PCDHA1: variants seen among roughly 807,000 people sequenced by gnomAD.
PCDHA1 encodes protocadherin alpha 1, also known as protocadherin alpha-1.
Under a neutral mutation model 61.3 loss-of-function variants are expected in PCDHA1, and 42 were observed. The ratio of observed to expected loss-of-function variants is 0.69; its 90% CI spans 0.54 to 0.89. PCDHA1 has a LOEUF of 0.89. PCDHA1 is among the 40% of genes least tolerant of loss of function. The pLI is 0.00. For missense variants in PCDHA1, 1,256 were observed against 1,235.3 expected, an observed-to-expected ratio of 1.02 and a Z score of -0.25; for synonymous variants, 610 against 553.8, an observed-to-expected ratio of 1.10 and a Z score of -1.43.
chr5:141,010,373 G>A lies in PCDHA1; in HGVS notation c.*436G>A, dbSNP rs1554262916. 6.8e-7 allele frequency: 1 copy of A among 1,463,988 alleles called. No homozygotes were observed. Among genetic ancestry groups the A allele is most frequent in the Admixed American group, 2.4e-5 (1 of 41,618 alleles). The allele number at this position is 1,463,988 out of a possible 1,614,324, so 90.7% of individuals were successfully genotyped here. ...GTGTGGCTACCGCGGGTATGCGAGT[G>A]CCAGATATTGGCTGAGACGAGCCAG... On this transcript the variant is annotated 3_prime_UTR_variant, in exon 4 of 4. Coordinates refer to ENST00000504120, the MANE Select transcript of PCDHA1 (RefSeq NM_018900.4).
chr5:140,841,522 G>C (rs2150317350), intron 1 of PCDHA1: 13 of 1,613,482 alleles, frequency 8.1e-6, no homozygotes, highest in Non-Finnish European at 1.1e-5. Context: ...TCCGGGTGGC[G>C]TCCAAAAGAC....
In PCDHA1 at chr5:140,797,044, G is replaced by A. The variant is rs145817011; in HGVS notation, c.2394+8360G>A. 4,401 of 1,613,772 alleles carry A rather than the reference G, an allele frequency of 2.7e-3. 15 individuals are homozygous for A. Among genetic ancestry groups the A allele is most frequent in the Non-Finnish European group, 3.5e-3 (4,107 of 1,179,970 alleles). On this transcript the variant is annotated intron_variant, in intron 1 of 3. Transcript: ENST00000504120. ...CGCCGCGGGCTCAGAGGCTACGCTGGTGGATGTCAACGTGTACCTGATCAT... is the reference window on the plus strand; with the variant it reads ...CGCCGCGGGCTCAGAGGCTACGCTGATGGATGTCAACGTGTACCTGATCAT...
At chr5:140,872,114 AG>A (rs1261193633) in intron 1 of PCDHA1, among the ~76,000 whole-genome samples, 1 of 151,936 alleles carries the variant, frequency 6.6e-6, no homozygotes, top group African/African-American at 2.4e-5. Context: ...TCCTAACTTC[AG>A]GCTTGTATCA....
intron 1 of PCDHA1, chr5:140,801,494 C>G (rs1554121517): frequency 1.2e-6 from 2 of 1,614,120 alleles, no homozygotes; most frequent in Non-Finnish European, 1.7e-6. Flanking sequence ...GCGGGCGGAG[C>G]GCGGAGTGCA....
In PCDHA1 at chr5:140,801,320, T is replaced by C. The variant is rs200755369; in HGVS notation, c.2394+12636T>C. 2.2e-5 allele frequency: 36 copies of C among 1,613,216 alleles called. 1 individual carries two copies. In the Admixed American group the frequency reaches 3.7e-4, roughly 16 times the overall value. On this transcript the variant is annotated intron_variant, in intron 1 of 3. Coordinates refer to ENST00000504120, the MANE Select transcript of PCDHA1 (RefSeq NM_018900.4). ...ACTCCGTCTCTGAGGAGGCCAAGCA[T>C]GGCACCTTCGTGGGCCGCATCGCGC...
Position 140,802,368 on chromosome 5 carries a change from C to T in PCDHA1, c.2394+13684C>T, listed in dbSNP as rs781811725. 3 of 1,614,230 alleles carry T rather than the reference C, an allele frequency of 1.9e-6. No individual in the cohort carries two copies. The South Asian group carries it at 3.3e-5, about 18-fold the overall frequency. The stretch of plus-strand genomic sequence containing the variant: ...TGGACAGGTCACCTGCTCGCTGACG[C>T]CCCACGTCCCCTTCAAGCTGGTGTC... On this transcript the variant is annotated intron_variant, in intron 1 of 3. Transcript: ENST00000504120.
chr5:140,930,092 A>G (rs1554207604), intron 1 of PCDHA1: 1 of 152,204 alleles, frequency 6.6e-6, no homozygotes, highest in East Asian at 1.9e-4. Context: ...ACATCTATTT[A>G]TACTGATAGG....
Position 140,966,702 on chromosome 5 carries a change from G to A in PCDHA1, c.2395-12247G>A, listed in dbSNP as rs2153748522. On this transcript the variant is annotated intron_variant, in intron 1 of 3. Transcript: ENST00000504120. Reference sequence around the variant, plus strand: ...ACGAGCGGAGGCGGGGCCCGGGCGTGGGGCACGGCTGGGGAAGCTGCCGCC... The same window carrying A: ...ACGAGCGGAGGCGGGGCCCGGGCGTAGGGCACGGCTGGGGAAGCTGCCGCC... 3.7e-6 allele frequency: 5 copies of A among 1,367,880 alleles called. No homozygotes were observed. The South Asian group carries it at 6.9e-5, about 19-fold the overall frequency. 84.7% of individuals were successfully genotyped at this position (1,367,880 alleles called of 1,614,324 possible).
At chr5:140,877,811 GAGA>G in intron 1 of PCDHA1, 1 of 1,610,242 alleles carries the variant, frequency 6.2e-7, no homozygotes, top group African/African-American at 1.3e-5. Flanking sequence ...CAGCTGTCTC[GAGA>G]AGATTGTTTA....
chr5:140,860,192 C>CATATAT (rs143984774), intron 1 of PCDHA1: 2 of 146,816 alleles, frequency 1.4e-5, no homozygotes, highest in African/African-American at 5.0e-5. Context: ...GCTCTCCTTA[C>CATATAT]ATATATATCT....
chr5:140,876,728 C>G (rs200398819), intron 1 of PCDHA1: 4 of 1,614,244 alleles, frequency 2.5e-6, no homozygotes, highest in African/African-American at 2.7e-5. Flanking sequence ...GAGAGCGTGT[C>G]GGCCTATGAG....
chr5:140,987,122 G>A (rs1054053197), intron 3 of PCDHA1, among the ~76,000 whole-genome samples: 2 of 151,858 alleles, frequency 1.3e-5, no homozygotes, highest in African/African-American at 4.8e-5. Context: ...GCTGAGGCAG[G>A]AGAATTGCTT....
At chr5:140,858,604 A>AT (rs2045515312) in intron 1 of PCDHA1, 6 of 1,276,560 alleles carry the variant, frequency 4.7e-6, no homozygotes, top group Non-Finnish European at 4.3e-6. Context: ...GAGTTTTAAA[A>AT]TTTTTTTATC....
intron 1 of PCDHA1, chr5:140,849,630 G>A: frequency 1.9e-6 from 3 of 1,598,686 alleles, no homozygotes; most frequent in Non-Finnish European, 2.6e-6. Flanking sequence ...CGACCTAGAC[G>A]CAGATGCCAA....
At chr5:140,965,848 C>T (rs2095941298) in intron 1 of PCDHA1, among the ~76,000 whole-genome samples, 1 of 152,178 alleles carries the variant, frequency 6.6e-6, no homozygotes, top group Non-Finnish European at 1.5e-5. Context: ...TTTGCCAAGG[C>T]ACACACTGAA....
chr5:140,844,007 T>C (rs1779179285), intron 1 of PCDHA1, among the ~76,000 whole-genome samples: 1 of 149,710 alleles, frequency 6.7e-6, no homozygotes, highest in African/African-American at 2.4e-5. Flanking sequence ...AACAATACTC[T>C]AAGGACGTTC....
At chr5:140,797,103 C>T in intron 1 of PCDHA1, 4 of 1,614,016 alleles carry the variant, frequency 2.5e-6, no homozygotes, top group Non-Finnish European at 3.4e-6. Context: ...TGTTGGTGCT[C>T]ACGGTGCTGC....
chr5:140,868,928 A>C, intron 1 of PCDHA1: 1 of 1,070,100 alleles, frequency 9.3e-7, no homozygotes, highest in Non-Finnish European at 1.3e-6. Flanking sequence ...AGTTCATTTA[A>C]AGGTTGGTCT....
intron 1 of PCDHA1, chr5:140,862,334 C>T: frequency 3.0e-6 from 1 of 329,810 alleles, no homozygotes; most frequent in Non-Finnish European, 6.0e-6. Context: ...TGTAATTGAC[C>T]CTAACTTCAG....
Sources: gnomAD v4.1 joint callset for allele counts (sites outside exome capture counted in the v4.1 genomes callset) on GRCh38, gnomAD v4.1.1 for gene constraint, MANE v1.5 for transcripts, NCBI Gene and HGNC (gene_info 2026-07-23, HGNC 2026-07-21) for gene names.